CRACD: variants seen among roughly 807,000 people sequenced by gnomAD.
CRACD encodes capping protein-inhibiting regulator of actin dynamics.
A neutral mutation model predicts 106.8 loss-of-function variants in CRACD; 56 were observed. The observed-to-expected ratio is 0.52, with a 90% CI of 0.42 to 0.66. The LOEUF (loss-of-function observed/expected upper bound fraction) is 0.66, where lower values mean the gene tolerates loss of function less well. Ranked by LOEUF, CRACD falls within the 30% of genes least tolerant of loss-of-function variation. CRACD has a pLI of 0.00. For missense variants in CRACD, 1,730 were observed against 1,623.2 expected, an observed-to-expected ratio of 1.07 and a Z score of -1.13; for synonymous variants, 754 against 670.8, an observed-to-expected ratio of 1.12 and a Z score of -1.92.
intron 3 of CRACD, among the ~76,000 whole-genome samples, chr4:56,280,770 A>G (rs1742995560): frequency 6.6e-6 from 1 of 152,198 alleles, no homozygotes; most frequent in Non-Finnish European, 1.5e-5. Flanking sequence ...TGGAAAAGGA[A>G]GAATCCACAG....
chr4:56,310,785 A>T lies in CRACD; in HGVS notation c.354+51A>T, dbSNP rs770809315. The T allele has an allele frequency of 1.6e-4, 191 of 1,192,370 alleles. 2 individuals carry two copies. Among genetic ancestry groups the T allele is most frequent in the Admixed American group, 2.5e-4 (12 of 48,880 alleles). The allele number at this position is 1,192,370 out of a possible 1,614,324, so 73.9% of individuals were successfully genotyped here. ...TGGCTTCTTTCCTTACTTAACTTTCATCTTCCCCCCCCCTTTTTTTTTTTT... is the reference window on the plus strand; with the variant it reads ...TGGCTTCTTTCCTTACTTAACTTTCTTCTTCCCCCCCCCTTTTTTTTTTTT... On this transcript the variant is annotated intron_variant, in intron 6 of 10. Coordinates refer to ENST00000682029, the MANE Select transcript of CRACD (RefSeq NM_001393381.1).
In CRACD at chr4:56,315,363, C is replaced by A. The variant is rs769529519; in HGVS notation, c.1861C>A (p.Leu621Ile). The A allele has an allele frequency of 6.2e-7, 1 of 1,613,658 alleles. No individual in the cohort carries two copies. The highest frequency in any genetic ancestry group is 1.1e-5 in the South Asian group (1 of 91,062). Residue 621 changes from leucine (L) to isoleucine (I), a missense_variant, in exon 8 of 11, where the codon CTC becomes ATC. Around this residue, in one of 5 missense-constraint regions of CRACD, gnomAD observed 1,620 missense variants for 1,481.6 expected, o/e 1.09. Coordinates refer to ENST00000682029, the MANE Select transcript of CRACD (RefSeq NM_001393381.1). The surrounding 1 kb of genome is among the most constrained non-coding windows in gnomAD (Gnocchi z 4.1). ...GATCAAGGACACCGCGTGCAAGTCCCTCCTGGGCTTGGAGGAGAAGAAGCA... is the reference window on the plus strand; with the variant it reads ...GATCAAGGACACCGCGTGCAAGTCCATCCTGGGCTTGGAGGAGAAGAAGCA... ...SQIKDTACKS[L>I]LGLEEKKHAE...
At chr4:56,188,618 C>T (rs1015316509) in intron 2 of CRACD, among the ~76,000 whole-genome samples, 4 of 132,596 alleles carry the variant, frequency 3.0e-5, no homozygotes, top group African/African-American at 9.3e-5. Context: ...TTGTATCTGT[C>T]TAGCCTCTCT....
At chr4:56,268,132 G>A (rs911293000) in intron 2 of CRACD, among the ~76,000 whole-genome samples, 36 of 152,190 alleles carry the variant, frequency 2.4e-4, no homozygotes, top group East Asian at 1.9e-4. Context: ...CTTAGCTGAC[G>A]TGCAGAGATT....
intron 1 of CRACD, among the ~76,000 whole-genome samples, chr4:56,178,516 G>C (rs775149427): frequency 1.2e-4 from 19 of 152,164 alleles, no homozygotes; most frequent in Admixed American, 3.9e-4. Flanking sequence ...TTGTCCAGCT[G>C]TTCTAGTTGT....
chr4:56,229,890 C>G (rs1242257123), intron 2 of CRACD, among the ~76,000 whole-genome samples: 3 of 152,174 alleles, frequency 2.0e-5, no homozygotes, highest in African/African-American at 7.2e-5. Flanking sequence ...TATTATAGCT[C>G]TCCAGTACTC....
chr4:56,076,084 G>A (rs1441381520), intron 1 of CRACD, among the ~76,000 whole-genome samples: 1 of 152,156 alleles, frequency 6.6e-6, no homozygotes, highest in Non-Finnish European at 1.5e-5. Context: ...TTTGGAGATA[G>A]GGCCTTTAAA....
chr4:56,157,759 CT>C (rs1217555970), intron 1 of CRACD, among the ~76,000 whole-genome samples: 1 of 152,160 alleles, frequency 6.6e-6, no homozygotes, highest in African/African-American at 2.4e-5. Flanking sequence ...TGTTTGAGAA[CT>C]TCCTTTTAAA....
At chr4:56,188,711 C>CACACACAG (rs1446016845) in intron 2 of CRACD, among the ~76,000 whole-genome samples, 6 of 113,108 alleles carry the variant, frequency 5.3e-5, no homozygotes, top group African/African-American at 1.6e-4. Context: ...CACACACACA[C>CACACACAG]AGAGAGAGAG....
intron 2 of CRACD, among the ~76,000 whole-genome samples, chr4:56,269,777 T>A (rs1742241329): frequency 2.0e-5 from 3 of 151,810 alleles, no homozygotes; most frequent in Admixed American, 2.0e-4. Flanking sequence ...TCACAATAAC[T>A]CATTCAATAT....
chr4:56,058,619 A>G (rs1442068050), intron 1 of CRACD, among the ~76,000 whole-genome samples: 1 of 152,230 alleles, frequency 6.6e-6, no homozygotes, highest in Non-Finnish European at 1.5e-5. Flanking sequence ...TGTGAGCATA[A>G]TGGTCTTTAA....
chr4:56,269,098 G>C (rs931233409), intron 2 of CRACD, among the ~76,000 whole-genome samples: 2 of 152,150 alleles, frequency 1.3e-5, no homozygotes, highest in African/African-American at 4.8e-5. Flanking sequence ...GAAGAAAAGA[G>C]GTGGCCGGGC....
intron 1 of CRACD, among the ~76,000 whole-genome samples, chr4:56,087,683 G>A (rs1560447084): frequency 6.6e-6 from 1 of 152,090 alleles, no homozygotes; most frequent in Admixed American, 6.5e-5. Context: ...TTATCCAGAT[G>A]CCTACTGGAC....
chr4:56,075,553 T>C (rs992842497), intron 1 of CRACD, among the ~76,000 whole-genome samples: 7 of 152,140 alleles, frequency 4.6e-5, no homozygotes, highest in Admixed American at 1.3e-4. Context: ...TCATTTTTTA[T>C]TGTGAATTCT....
chr4:56,147,337 C>T (rs1428208346), intron 1 of CRACD, among the ~76,000 whole-genome samples: 4 of 152,282 alleles, frequency 2.6e-5, no homozygotes, highest in African/African-American at 7.2e-5. Context: ...CTGGGATACT[C>T]GGTTATATCA....
chr4:56,257,994 C>T (rs1016473338), intron 2 of CRACD, among the ~76,000 whole-genome samples: 4 of 150,706 alleles, frequency 2.7e-5, no homozygotes, highest in South Asian at 4.2e-4. Context: ...CGCTTGAACC[C>T]GGGAGGCAGA....
rs1744168099 is a variant in CRACD, at chr4:56,298,294, A to G, written c.65A>G (p.Gln22Arg). Residue 22 changes from glutamine (Q) to arginine (R), a missense_variant, in exon 4 of 11, where the codon CAG becomes CGG. Transcript: ENST00000682029. ...CCTGATGGGGGAGCAGAAAGTGAGC[A>G]GACAGTTCAAGCAATGTCACAGGAC... is the stretch of plus-strand genomic sequence containing the variant. ...FIPDGGAESE[Q>R]TVQAMSQDNI... 1.2e-5 allele frequency: 19 copies of G among 1,614,210 alleles called. No homozygotes were observed. The highest frequency in any genetic ancestry group is 1.6e-5 in the Non-Finnish European group (19 of 1,180,024).
At chr4:56,220,025 A>G (rs1226354690) in intron 2 of CRACD, among the ~76,000 whole-genome samples, 1 of 152,210 alleles carries the variant, frequency 6.6e-6, no homozygotes. Context: ...AGGAAATAAG[A>G]TTATATTTGA....
chr4:56,187,198 A>G (rs1014225665), intron 2 of CRACD, among the ~76,000 whole-genome samples: 1 of 152,236 alleles, frequency 6.6e-6, no homozygotes, highest in Non-Finnish European at 1.5e-5. Flanking sequence ...ATATGTAAAC[A>G]GATAACCGGG....
Sources: allele counts gnomAD v4.1 joint callset (sites outside exome capture counted in the v4.1 genomes callset), GRCh38; gene constraint gnomAD v4.1.1; regional missense constraint gnomAD v4.1.1; non-coding constraint Gnocchi (gnomAD v3.1); transcripts MANE v1.5; gene names NCBI Gene and HGNC (gene_info 2026-07-23, HGNC 2026-07-21).